The following SLIT2 variants were observed in gnomAD, a reference collection of about 807,000 sequenced individuals.
SLIT2 encodes the protein slit guidance ligand 2.
In SLIT2, 41 loss-of-function variants were observed where a neutral mutation model predicts 185.7. That is an observed-to-expected ratio of 0.22 (90% CI 0.17 to 0.29). SLIT2 has a LOEUF of 0.29. Ranked by LOEUF, SLIT2 falls within the 10% of genes least tolerant of loss-of-function variation. SLIT2 has a pLI of 1.00. For missense variants in SLIT2, 1,571 were observed against 1,909.0 expected (o/e 0.82, Z 3.30); for synonymous variants, 693 against 680.2 (o/e 1.02, Z -0.29).
chr4:20,518,229 A>ATG (rs1422869882), intron 11 of SLIT2, among the ~76,000 whole-genome samples: 9,576 of 118,366 alleles, frequency 0.081, 988 homozygotes, highest in African/African-American at 0.2. Flanking sequence ...ATACATATAT[A>ATG]TGTGTGTGTG....
chr4:20,574,815 T>C (rs1253339710), intron 29 of SLIT2, among the ~76,000 whole-genome samples: 1 of 151,190 alleles, frequency 6.6e-6, no homozygotes, highest in Non-Finnish European at 1.5e-5. Context: ...AAACAAAGGT[T>C]ATTATATAGC....
At chr4:20,410,997 CT>C (rs1727213210) in intron 4 of SLIT2, among the ~76,000 whole-genome samples, 1 of 152,066 alleles carries the variant, frequency 6.6e-6, no homozygotes, top group Admixed American at 6.6e-5. Flanking sequence ...TTATAAATTG[CT>C]TTTGGCAGTA....
At chr4:20,262,606 A>G (rs1241331712) in intron 3 of SLIT2, among the ~76,000 whole-genome samples, 1 of 151,880 alleles carries the variant, frequency 6.6e-6, no homozygotes, top group Non-Finnish European at 1.5e-5. Flanking sequence ...CAAGTTTAAA[A>G]TCATGGCAGT....
At chr4:20,343,930 A>T (rs547208461) in intron 4 of SLIT2, among the ~76,000 whole-genome samples, 1 of 151,992 alleles carries the variant, frequency 6.6e-6, no homozygotes, top group East Asian at 1.9e-4. Flanking sequence ...ACCTCACTGT[A>T]ACCTCCGCCT....
chr4:20,421,357 A>G (rs776480397), intron 4 of SLIT2, among the ~76,000 whole-genome samples: 20 of 152,202 alleles, frequency 1.3e-4, no homozygotes, highest in Non-Finnish European at 2.2e-4. Context: ...AACATTTAAA[A>G]ATATAAACTT....
chr4:20,355,184 A>G (rs1260716018), intron 4 of SLIT2, among the ~76,000 whole-genome samples: 2 of 152,204 alleles, frequency 1.3e-5, no homozygotes, highest in East Asian at 1.9e-4. Flanking sequence ...AACATTGCAC[A>G]TAGCTTCAAT....
intron 9 of SLIT2, among the ~76,000 whole-genome samples, chr4:20,500,284 G>A (rs1000426776): frequency 2.6e-5 from 4 of 151,976 alleles, no homozygotes; most frequent in Admixed American, 1.3e-4. Context: ...AATGGAAATC[G>A]GCATAATTTA....
intron 4 of SLIT2, among the ~76,000 whole-genome samples, chr4:20,447,316 G>T (rs1711923665): frequency 6.6e-6 from 1 of 152,184 alleles, no homozygotes; most frequent in Non-Finnish European, 1.5e-5. Context: ...CCTGAGGCTG[G>T]TGAGCAAGGG....
At chr4:20,431,877 A>T (rs1729009418) in intron 4 of SLIT2, among the ~76,000 whole-genome samples, 1 of 152,174 alleles carries the variant, frequency 6.6e-6, no homozygotes, top group Admixed American at 6.5e-5. Flanking sequence ...TACTGTGAGT[A>T]GGAGTGTTTG....
At chr4:20,380,412 G>A (rs553604558) in intron 4 of SLIT2, among the ~76,000 whole-genome samples, 25 of 152,146 alleles carry the variant, frequency 1.6e-4, no homozygotes, top group African/African-American at 5.5e-4. Flanking sequence ...AACATGCAAG[G>A]AAGCAGGAAA....
At chr4:20,295,538 G>A (rs1316595418) in intron 4 of SLIT2, among the ~76,000 whole-genome samples, 9 of 152,164 alleles carry the variant, frequency 5.9e-5, no homozygotes, top group Admixed American at 3.3e-4. Flanking sequence ...GCAGATGACC[G>A]TCAGCTCTCT....
intron 33 of SLIT2, 90 bp from the exon 34 acceptor site, chr4:20,609,923 C>T: frequency 4.1e-6 from 5 of 1,234,098 alleles, no homozygotes; most frequent in Admixed American, 2.5e-5. Flanking sequence ...ATCTCTTTTC[C>T]CAAGGAGCAC....
rs1170783606 is a variant in SLIT2, at chr4:20,261,840, T to C, written c.323+3901T>C. 2.0e-5 allele frequency among the ~76,000 whole-genome samples: 3 copies of C among 151,716 alleles called. No homozygotes were observed. The South Asian group carries it at 6.2e-4, about 31-fold the overall frequency. On this transcript the variant is annotated intron_variant, in intron 3 of 36. Coordinates refer to ENST00000504154, the MANE Select transcript of SLIT2 (RefSeq NM_004787.4). ...ATCTTGTAACCTTAAAATAAGAAAATTGTGGAAATAACAAAGGCAGGCATG... is the reference window on the plus strand; with the variant it reads ...ATCTTGTAACCTTAAAATAAGAAAACTGTGGAAATAACAAAGGCAGGCATG...
intron 4 of SLIT2, among the ~76,000 whole-genome samples, chr4:20,406,914 A>G (rs1013904428): frequency 2.4e-5 from 3 of 124,226 alleles, no homozygotes; most frequent in Non-Finnish European, 3.3e-5. Context: ...TAACTGTCCT[A>G]TCAACAATGA....
At chr4:20,261,053 G>A (rs138144339) in intron 3 of SLIT2, among the ~76,000 whole-genome samples, 7 of 151,780 alleles carry the variant, frequency 4.6e-5, no homozygotes, top group Admixed American at 2.0e-4. Context: ...TGCATACCAC[G>A]AGCACACATT....
At chr4:20,587,920 A>G (rs1727196599) in intron 29 of SLIT2, among the ~76,000 whole-genome samples, 2 of 152,190 alleles carry the variant, frequency 1.3e-5, no homozygotes, top group African/African-American at 4.8e-5. Context: ...AATGACATTT[A>G]TTATGTATCT....
intron 8 of SLIT2, chr4:20,490,782 T>C (rs747198147): frequency 1.3e-6 from 2 of 1,499,266 alleles, no homozygotes; most frequent in South Asian, 2.4e-5. Context: ...CTCTCTTCAC[T>C]TTTTCCTTTC....
intron 4 of SLIT2, among the ~76,000 whole-genome samples, chr4:20,460,580 C>T (rs1177048472): frequency 6.6e-6 from 1 of 152,130 alleles, no homozygotes; most frequent in African/African-American, 2.4e-5. Flanking sequence ...ACTTATTCCT[C>T]CTGTGTAATT....
At chr4:20,420,516 A>G (rs1728095609) in intron 4 of SLIT2, among the ~76,000 whole-genome samples, 1 of 152,132 alleles carries the variant, frequency 6.6e-6, no homozygotes, top group Non-Finnish European at 1.5e-5. Flanking sequence ...TTAGGTATCA[A>G]GTGTTTTACA....
Sources: gnomAD v4.1 joint callset for allele counts (sites outside exome capture counted in the v4.1 genomes callset) on GRCh38, gnomAD v4.1.1 for gene constraint, MANE v1.5 for transcripts, NCBI Gene and HGNC (gene_info 2026-07-23, HGNC 2026-07-21) for gene names.